Variants in NUP160 observed in about 807,000 individuals in gnomAD.
The protein encoded by NUP160 is nuclear pore complex protein Nup160.
Under a neutral mutation model 196.9 loss-of-function variants are expected in NUP160, and 94 were observed. The observed-to-expected ratio is 0.48, with a 90% CI of 0.40 to 0.57. NUP160 has a LOEUF of 0.57. Ranked by LOEUF, NUP160 falls within the 20% of genes least tolerant of loss-of-function variation. The probability of loss-of-function intolerance (pLI) is 0.00; values close to 1 mark genes in which losing one functional copy is unlikely to be tolerated. For missense variants in NUP160, 1,638 were observed against 1,748.3 expected, an observed-to-expected ratio of 0.94 and a Z score of 1.13; for synonymous variants, 605 against 619.7, an observed-to-expected ratio of 0.98 and a Z score of 0.35.
chr11:47,802,654 A>C (rs2097674881), intron 22 of NUP160, among the ~76,000 whole-genome samples: 1 of 152,136 alleles, frequency 6.6e-6, no homozygotes, highest in Admixed American at 6.6e-5. Context: ...AAAAAGCAGC[A>C]TAAAACAATA....
intron 1 of NUP160, 122 bp downstream of exon 1, chr11:47,848,097 T>C (rs1852436552): frequency 1.5e-6 from 2 of 1,324,100 alleles, no homozygotes; most frequent in African/African-American, 1.4e-5. Context: ...AAGGAATCTC[T>C]GATCCCGGGG....
intron 2 of NUP160, among the ~76,000 whole-genome samples, chr11:47,845,772 C>A (rs975676506): frequency 6.6e-5 from 10 of 152,138 alleles, no homozygotes; most frequent in Admixed American, 5.9e-4. Context: ...GTGGCATGAT[C>A]GGATCCTCCC....
intron 11 of NUP160, among the ~76,000 whole-genome samples, chr11:47,817,224 T>C (rs1436200297): frequency 6.6e-6 from 1 of 151,906 alleles, no homozygotes; most frequent in Non-Finnish European, 1.5e-5. Context: ...GCTCAAGTGA[T>C]CTTCCCTCTT....
At chr11:47,836,968 A>G (rs771735359) in exon 6 of NUP160, 1 of 1,613,658 alleles carries the variant, frequency 6.2e-7, no homozygotes, top group Non-Finnish European at 8.5e-7. Flanking sequence ...GAACAGCAAG[A>G]CTGAGGGGAC....
intron 7 of NUP160, among the ~76,000 whole-genome samples, chr11:47,828,235 GAACT>G (rs1343533818): frequency 6.6e-6 from 1 of 152,184 alleles, no homozygotes; most frequent in Non-Finnish European, 1.5e-5. Context: ...AAATCTATCA[GAACT>G]AATAAATGAG....
At chr11:47,800,095 A>C (rs1237570041) in intron 23 of NUP160, among the ~76,000 whole-genome samples, 2 of 151,926 alleles carry the variant, frequency 1.3e-5, no homozygotes, top group Admixed American at 6.6e-5. Flanking sequence ...CCCTACCAAA[A>C]ATACAAAAAT....
chr11:47,801,358 G>GTT (rs543642748), intron 23 of NUP160, among the ~76,000 whole-genome samples: 3 of 150,670 alleles, frequency 2.0e-5, no homozygotes, highest in African/African-American at 7.3e-5. Flanking sequence ...ATTTCTTTTT[G>GTT]TTTTTTTTTG....
rs574245840 is a variant in NUP160 at position 47,832,326 on chromosome 11, C to T, written c.1101+3325G>A. 9.2e-5 allele frequency among the ~76,000 whole-genome samples: 14 copies of T among 152,208 alleles called. No individual in the cohort carries two copies. The South Asian group carries it at 2.7e-3, about 29-fold the overall frequency. ...ATAGCCCTTCCCCAAAACCAAACCA[C>T]CTTGGTAAAACTAATGAAAGGCCAC... On this transcript the variant is annotated intron_variant, in intron 7 of 35. Transcript: ENST00000378460.
intron 2 of NUP160, among the ~76,000 whole-genome samples, chr11:47,841,098 T>C (rs1009131158): frequency 6.6e-6 from 1 of 152,220 alleles, no homozygotes; most frequent in Non-Finnish European, 1.5e-5. Context: ...AATATTTTAA[T>C]ATAAAAATAC....
intron 26 of NUP160, 35 bp downstream of exon 26, chr11:47,797,943 C>G (rs1599313665): frequency 1.3e-6 from 2 of 1,545,822 alleles, no homozygotes; most frequent in African/African-American, 2.8e-5. Context: ...AACCACCATA[C>G]TTGTTGAAAG....
At chr11:47,829,732 G>A (rs1434478345) in intron 7 of NUP160, among the ~76,000 whole-genome samples, 2 of 152,268 alleles carry the variant, frequency 1.3e-5, no homozygotes, top group East Asian at 3.9e-4. Context: ...ATGGATTAAA[G>A]ACTTAAACAT....
In NUP160 at chr11:47,788,169, A is replaced by T; in HGVS notation, c.3746+13T>A. 1.9e-6 allele frequency: 3 copies of T among 1,600,082 alleles called. No homozygotes were observed. Among genetic ancestry groups the T allele is most frequent in the Non-Finnish European group, 2.6e-6 (3 of 1,172,848 alleles). On this transcript the variant is annotated intron_variant, in intron 31 of 35. Coordinates refer to ENST00000378460, the Ensembl canonical transcript of NUP160. ...CATTAGAAAAGACTATAAAAAAATAATTTTATACATACTTGAAGGCAAGCC... is the reference window on the plus strand; with the variant it reads ...CATTAGAAAAGACTATAAAAAAATATTTTTATACATACTTGAAGGCAAGCC...
chr11:47,788,676 A>G, intron 29 of NUP160, 65 bp from the exon 30 acceptor site: 3 of 985,754 alleles, frequency 3.0e-6, no homozygotes, highest in Non-Finnish European at 4.7e-6. Flanking sequence ...AGATTAACGC[A>G]ACCTGTCAAT....
At chr11:47,824,008 CATAT>C (rs58246222) in intron 7 of NUP160, among the ~76,000 whole-genome samples, 4,455 of 72,596 alleles carry the variant, frequency 0.061, 124 homozygotes, top group East Asian at 0.16. Flanking sequence ...AATTCTTTTG[CATAT>C]ATATATATAT....
At chr11:47,812,253 T>A (rs1283217653) in intron 16 of NUP160, 29 bp from the exon 17 acceptor site, 1 of 1,613,706 alleles carries the variant, frequency 6.2e-7, no homozygotes, top group Admixed American at 1.7e-5. Context: ...TGGAGTTGAA[T>A]GCATCATTGT....
intron 17 of NUP160, among the ~76,000 whole-genome samples, chr11:47,809,038 T>C (rs12225854): frequency 0.35 from 52,535 of 151,598 alleles, 10,543 homozygotes; most frequent in South Asian, 0.52. Flanking sequence ...GAGGCGGATG[T>C]TGCAGTGAGC....
At chr11:47,807,765 T>C (rs902169540) in intron 18 of NUP160, among the ~76,000 whole-genome samples, 3 of 152,238 alleles carry the variant, frequency 2.0e-5, no homozygotes, top group Non-Finnish European at 4.4e-5. Flanking sequence ...GTGTATGGTC[T>C]TTCCTTCTGG....
At chr11:47,815,359 A>T in intron 13 of NUP160, 120 bp downstream of exon 13, 1 of 646,520 alleles carries the variant, frequency 1.5e-6, no homozygotes. Flanking sequence ...TGCTAACCGC[A>T]ACATTCACCA....
chr11:47,832,192 G>C (rs1410355432), intron 7 of NUP160, among the ~76,000 whole-genome samples: 2 of 151,802 alleles, frequency 1.3e-5, no homozygotes, highest in Non-Finnish European at 2.9e-5. Flanking sequence ...GAGCCACTGT[G>C]CTGGCCCACA....
Sources: gnomAD v4.1 joint callset for allele counts (sites outside exome capture counted in the v4.1 genomes callset) on GRCh38, gnomAD v4.1.1 for gene constraint, MANE v1.5 for transcripts, NCBI Gene and HGNC (gene_info 2026-07-23, HGNC 2026-07-21) for gene names.